Variants in MYBL2 observed in about 807,000 individuals in gnomAD.
MYBL2 encodes the protein MYB proto-oncogene like 2.
Under a neutral mutation model 79.9 loss-of-function variants are expected in MYBL2, and 28 were observed. That is an observed-to-expected ratio of 0.35 (90% CI 0.26 to 0.48). MYBL2 has a LOEUF of 0.48. Among genes scored for constraint, MYBL2 ranks in the 20% least tolerant of loss-of-function variants. The pLI, the probability that MYBL2 is intolerant of heterozygous loss-of-function variation, is 0.99. For synonymous variants in MYBL2, 378 were observed against 361.2 expected (o/e 1.05, Z -0.53); for missense variants, 735 against 893.9 (o/e 0.82, Z 2.27).
intron 8 of MYBL2, among the ~76,000 whole-genome samples, chr20:43,703,939 T>C (rs1439242652): frequency 6.6e-6 from 1 of 152,146 alleles, no homozygotes; most frequent in Non-Finnish European, 1.5e-5. Flanking sequence ...TAATCTATTA[T>C]TTTTTCTTGT....
intron 4 of MYBL2, among the ~76,000 whole-genome samples, chr20:43,686,542 G>A (rs1224444194): frequency 6.6e-6 from 1 of 152,194 alleles, no homozygotes; most frequent in Admixed American, 6.5e-5. Flanking sequence ...GCCCTGGAGA[G>A]GGAAGCAGGA....
At chr20:43,700,168 A>C in intron 7 of MYBL2, 124 bp downstream of exon 7, 1 of 1,334,160 alleles carries the variant, frequency 7.5e-7, no homozygotes, top group Admixed American at 2.1e-5. Context: ...TTGATGCTGA[A>C]TGCCTAGCCC....
chr20:43,704,400 A>AT (rs1358387952), intron 8 of MYBL2, among the ~76,000 whole-genome samples: 2 of 152,132 alleles, frequency 1.3e-5, no homozygotes, highest in Non-Finnish European at 2.9e-5. Context: ...CAGGATGTAA[A>AT]TTTGGGGGAG....
chr20:43,671,791 T>G (rs1986864194), intron 1 of MYBL2, among the ~76,000 whole-genome samples: 1 of 151,868 alleles, frequency 6.6e-6, no homozygotes, highest in African/African-American at 2.4e-5. Context: ...TTTGTAACTA[T>G]TAAACTGGAT....
intron 7 of MYBL2, among the ~76,000 whole-genome samples, chr20:43,700,252 C>G (rs1000686150): frequency 3.3e-5 from 5 of 152,176 alleles, no homozygotes; most frequent in African/African-American, 1.2e-4. Context: ...GTGTGTGCAG[C>G]AGGAGTTTGT....
intron 12 of MYBL2, among the ~76,000 whole-genome samples, chr20:43,714,529 AC>A (rs1987984471): frequency 6.6e-6 from 1 of 151,768 alleles, no homozygotes; most frequent in Non-Finnish European, 1.5e-5. Context: ...CTCCAGACAC[AC>A]CACTGAATCA....
intron 7 of MYBL2, among the ~76,000 whole-genome samples, 178 bp downstream of exon 7, chr20:43,700,222 C>A (rs1987649726): frequency 6.6e-6 from 1 of 152,172 alleles, no homozygotes; most frequent in African/African-American, 2.4e-5. Flanking sequence ...CATGCAGTCC[C>A]TATCCTTGGG....
intron 2 of MYBL2, among the ~76,000 whole-genome samples, chr20:43,674,234 C>CGCCT (rs33986259): frequency 9.7e-5 from 7 of 72,230 alleles, no homozygotes; most frequent in Non-Finnish European, 1.8e-4. Flanking sequence ...TCCCCCCACC[C>CGCCT]TTTTTTTTTT....
At chr20:43,674,994 C>G (rs920184792) in intron 2 of MYBL2, among the ~76,000 whole-genome samples, 2 of 151,086 alleles carry the variant, frequency 1.3e-5, no homozygotes, top group Admixed American at 1.3e-4. Flanking sequence ...TTTTTAATTC[C>G]TTTTTGAGAC....
intron 10 of MYBL2, among the ~76,000 whole-genome samples, chr20:43,710,375 A>G (rs185633603): frequency 7.8e-4 from 119 of 152,280 alleles, no homozygotes; most frequent in African/African-American, 2.8e-3. Flanking sequence ...CTTTCAGGCA[A>G]AGATAAGCAC....
intron 12 of MYBL2, 54 bp from the exon 13 acceptor site, chr20:43,715,080 C>T: frequency 6.3e-7 from 1 of 1,598,988 alleles, no homozygotes; most frequent in East Asian, 2.2e-5. Flanking sequence ...TTTTTTTCTT[C>T]CCTCTCACAG....
chr20:43,687,628 T>C (rs935238808), intron 5 of MYBL2, among the ~76,000 whole-genome samples: 1 of 152,222 alleles, frequency 6.6e-6, no homozygotes, highest in Non-Finnish European at 1.5e-5. Flanking sequence ...CCATTTTTCA[T>C]ATTGATCCTC....
chr20:43,700,833 A>G (rs1253307912), intron 7 of MYBL2, among the ~76,000 whole-genome samples: 2 of 152,218 alleles, frequency 1.3e-5, no homozygotes, highest in Non-Finnish European at 2.9e-5. Context: ...AAGGTTGCAC[A>G]GCAAGTATAC....
chr20:43,682,270 T>C (rs1027631204), intron 3 of MYBL2, among the ~76,000 whole-genome samples: 3 of 152,112 alleles, frequency 2.0e-5, no homozygotes, highest in Non-Finnish European at 2.9e-5. Context: ...ATTTAGAGCC[T>C]CCTGATGGTG....
At chr20:43,682,668 G>A (rs1987172406) in intron 3 of MYBL2, 126 bp from the exon 4 acceptor site, 1 of 813,406 alleles carries the variant, frequency 1.2e-6, no homozygotes, top group Non-Finnish European at 2.1e-6. Flanking sequence ...CATGGAACAG[G>A]ACACACCTAC....
chr20:43,688,991 T>A (rs181288098), intron 5 of MYBL2, among the ~76,000 whole-genome samples: 1 of 152,214 alleles, frequency 6.6e-6, no homozygotes. Flanking sequence ...GGTTTTGCCA[T>A]CTTGGCCAGG....
At chr20:43,696,964 A>T (rs1194171400) in intron 6 of MYBL2, among the ~76,000 whole-genome samples, 2 of 152,294 alleles carry the variant, frequency 1.3e-5, no homozygotes, top group Non-Finnish European at 2.9e-5. Flanking sequence ...TGACCTCGTG[A>T]TCTCCCCGCC....
At chr20:43,676,516 A>G (rs1382614193) in intron 2 of MYBL2, among the ~76,000 whole-genome samples, 3 of 152,180 alleles carry the variant, frequency 2.0e-5, no homozygotes, top group African/African-American at 4.8e-5. Context: ...GTCCTTTTCT[A>G]TCACTGGATA....
At chr20:43,715,923 C>A in intron 13 of MYBL2, 36 bp from the exon 14 acceptor site, 15 of 1,592,132 alleles carry the variant, frequency 9.4e-6, no homozygotes, top group Non-Finnish European at 1.1e-5. Context: ...AACACATAGT[C>A]CCTGCCTGGA....
Sources: allele counts gnomAD v4.1 joint callset (sites outside exome capture counted in the v4.1 genomes callset), GRCh38; gene constraint gnomAD v4.1.1; transcripts MANE v1.5; gene names NCBI Gene and HGNC (gene_info 2026-07-23, HGNC 2026-07-21).